The following SGCD variants were observed in gnomAD, a reference collection of about 807,000 sequenced individuals.
SGCD encodes delta-sarcoglycan.
SGCD carries 18 observed loss-of-function variants against 36.6 expected under a neutral mutation model. That is an observed-to-expected ratio of 0.49 (90% CI 0.34 to 0.73). The LOEUF (loss-of-function observed/expected upper bound fraction) is 0.73. Among genes scored for constraint, SGCD ranks in the 30% least tolerant of loss-of-function variants. The probability of loss-of-function intolerance (pLI) is 0.01; values close to 1 mark genes in which losing one functional copy is unlikely to be tolerated. For synonymous variants in SGCD, 133 were observed against 130.6 expected, an observed-to-expected ratio of 1.02 and a Z score of -0.12; for missense variants, 387 against 346.7, an observed-to-expected ratio of 1.12 and a Z score of -0.92.
chr5:155,824,481 A>G, the SGCD span, among the ~76,000 whole-genome samples: 4 of 152,154 alleles, frequency 2.6e-5, no homozygotes, highest in African/African-American at 9.6e-5. Flanking sequence ...TAGTCTTTAT[A>G]TTATTAAATA....
chr5:155,912,595 G>A (rs570920591), intron 1 of SGCD, among the ~76,000 whole-genome samples: 3 of 152,076 alleles, frequency 2.0e-5, no homozygotes, highest in Non-Finnish European at 4.4e-5. Flanking sequence ...GTGTGTGGCT[G>A]TATTTTAAGC....
chr5:156,180,054 T>A (rs1197547389), intron 3 of SGCD, among the ~76,000 whole-genome samples: 3 of 152,226 alleles, frequency 2.0e-5, no homozygotes, highest in African/African-American at 7.2e-5. Flanking sequence ...AGTCAGAAGT[T>A]GTAGTTTTTG....
chr5:155,906,566 T>C (rs1756516177), intron 1 of SGCD, among the ~76,000 whole-genome samples: 1 of 152,166 alleles, frequency 6.6e-6, no homozygotes, highest in Non-Finnish European at 1.5e-5. Context: ...CTATTGCTGA[T>C]AGGGAGAAAG....
At chr5:156,671,698 T>G (rs281053) in intron 7 of SGCD, among the ~76,000 whole-genome samples, 124,126 of 152,082 alleles carry the variant, frequency 0.82, 51,076 homozygotes, top group South Asian at 0.9. Context: ...GGATGCTTTG[T>G]GTCAGTGCAT....
chr5:156,010,800 G>T (rs1164015904), intron 1 of SGCD, among the ~76,000 whole-genome samples: 1 of 152,170 alleles, frequency 6.6e-6, no homozygotes, highest in Non-Finnish European at 1.5e-5. Flanking sequence ...CATGTAGAAG[G>T]TTAGAAGCAG....
intron 1 of SGCD, among the ~76,000 whole-genome samples, chr5:155,994,044 C>T (rs1258379626): frequency 6.6e-6 from 1 of 152,158 alleles, no homozygotes; most frequent in Non-Finnish European, 1.5e-5. Flanking sequence ...ACAATCTGTC[C>T]CCAGTATTTT....
intron 3 of SGCD, among the ~76,000 whole-genome samples, chr5:156,430,149 A>G (rs530041296): frequency 6.6e-6 from 1 of 152,140 alleles, no homozygotes; most frequent in African/African-American, 2.4e-5. Context: ...AGGAACACCA[A>G]TTATTCTTAG....
At position 156,609,591 on chromosome 5, in the gene SGCD, T is replaced by G. The variant is rs1041393284; in HGVS notation, c.502+14540T>G. ...TATTTCCTGAATTTGAATGTTGGCC[T>G]GCCTTGCTAGATTGGGGAAGTTCTC... On this transcript the variant is annotated intron_variant, in intron 6 of 8. Coordinates refer to ENST00000337851, the MANE Select transcript of SGCD (RefSeq NM_000337.6). Among the ~76,000 whole-genome samples the G allele has an allele frequency of 5.9e-5, 9 of 152,364 alleles. No homozygotes were observed. The Middle Eastern group carries it at 0.014, about 230-fold the overall frequency.
At chr5:155,782,402 A>G in the SGCD span, among the ~76,000 whole-genome samples, 1 of 152,128 alleles carries the variant, frequency 6.6e-6, no homozygotes, top group Non-Finnish European at 1.5e-5. Context: ...GCTACAAAAA[A>G]TTTGAAACAA....
chr5:156,072,779 A>C (rs1349713941), intron 1 of SGCD, among the ~76,000 whole-genome samples: 1 of 152,160 alleles, frequency 6.6e-6, no homozygotes, highest in Non-Finnish European at 1.5e-5. Flanking sequence ...AATCAGACGT[A>C]GATTTGGTCT....
chr5:155,929,359 A>G (rs1044586690), intron 1 of SGCD, among the ~76,000 whole-genome samples: 1 of 152,190 alleles, frequency 6.6e-6, no homozygotes, highest in Non-Finnish European at 1.5e-5. Flanking sequence ...TGCAAACTCA[A>G]TTATTCAGAA....
At chr5:156,374,174 T>C (rs1159804800) in intron 3 of SGCD, among the ~76,000 whole-genome samples, 2 of 150,152 alleles carry the variant, frequency 1.3e-5, no homozygotes, top group African/African-American at 4.9e-5. Context: ...TGCATGGCAA[T>C]ATCCTTAGTG....
At chr5:156,737,574 C>CTTTGCT (rs1226434799) in intron 7 of SGCD, among the ~76,000 whole-genome samples, 21 of 152,092 alleles carry the variant, frequency 1.4e-4, no homozygotes, top group Admixed American at 1.4e-3. Flanking sequence ...GGATCACCTA[C>CTTTGCT]TTTGCTCCCC....
At chr5:156,447,763 C>G (rs1052554374) in intron 3 of SGCD, among the ~76,000 whole-genome samples, 5 of 152,082 alleles carry the variant, frequency 3.3e-5, no homozygotes, top group African/African-American at 1.2e-4. Context: ...ACATGTTCAC[C>G]TATGTAACAA....
intron 4 of SGCD, among the ~76,000 whole-genome samples, chr5:156,539,232 A>C (rs1758249245): frequency 6.6e-6 from 1 of 151,974 alleles, no homozygotes; most frequent in Admixed American, 6.6e-5. Context: ...ATACACACAC[A>C]CACATACACA....
At chr5:156,498,935 C>CCTGTGTGTGTGTGT (rs149269957) in intron 3 of SGCD, among the ~76,000 whole-genome samples, 278 of 149,452 alleles carry the variant, frequency 1.9e-3, no homozygotes, top group Non-Finnish European at 3.1e-3. Context: ...ATGTGTGCTA[C>CCTGTGTGTGTGTGT]GTGTGTGTGT....
At chr5:156,256,527 C>T (rs1046628678) in intron 3 of SGCD, among the ~76,000 whole-genome samples, 5 of 152,180 alleles carry the variant, frequency 3.3e-5, no homozygotes, top group African/African-American at 9.7e-5. Flanking sequence ...AGTATCATTA[C>T]ATTCTGTAGA....
intron 7 of SGCD, among the ~76,000 whole-genome samples, chr5:156,738,332 G>A (rs1159068853): frequency 6.6e-6 from 1 of 152,152 alleles, no homozygotes; most frequent in Non-Finnish European, 1.5e-5. Flanking sequence ...CTATTGTGAT[G>A]TTTGTAGTTT....
intron 3 of SGCD, among the ~76,000 whole-genome samples, chr5:156,135,200 A>AT (rs1348377234): frequency 3.9e-5 from 6 of 151,902 alleles, no homozygotes; most frequent in Non-Finnish European, 8.8e-5. Flanking sequence ...GGATTTTCTT[A>AT]TTTTTTAATT....
Sources: gnomAD v4.1 joint callset for allele counts (sites outside exome capture counted in the v4.1 genomes callset) on GRCh38, gnomAD v4.1.1 for gene constraint, MANE v1.5 for transcripts, NCBI Gene and HGNC (gene_info 2026-07-23, HGNC 2026-07-21) for gene names.